The following SLC4A4 variants were observed in gnomAD, a reference collection of about 807,000 sequenced individuals.
The protein encoded by SLC4A4 is electrogenic sodium bicarbonate cotransporter 1.
In SLC4A4, 27 loss-of-function variants were observed where a neutral mutation model predicts 111.5. The ratio of observed to expected loss-of-function variants is 0.24; its 90% CI spans 0.18 to 0.33. SLC4A4 has a LOEUF of 0.33. Among genes scored for constraint, SLC4A4 ranks in the 10% least tolerant of loss-of-function variants. The pLI is 1.00. For missense variants in SLC4A4, 909 were observed against 1,315.5 expected, an observed-to-expected ratio of 0.69 and a Z score of 4.78; for synonymous variants, 443 against 463.4, an observed-to-expected ratio of 0.96 and a Z score of 0.57.
intron 2 of SLC4A4, among the ~76,000 whole-genome samples, chr4:71,162,717 G>A (rs1208233740): frequency 6.6e-6 from 1 of 152,090 alleles, no homozygotes; most frequent in Non-Finnish European, 1.5e-5. Context: ...TTGGGTCTAG[G>A]TGTATTAAAA....
intron 8 of SLC4A4, among the ~76,000 whole-genome samples, chr4:71,446,940 G>T (rs992277524): frequency 3.3e-5 from 5 of 152,184 alleles, no homozygotes; most frequent in Admixed American, 3.3e-4. Context: ...ACCTAAGTGG[G>T]GTTAAGTTTG....
intron 1 of SLC4A4, among the ~76,000 whole-genome samples, chr4:71,228,071 T>G (rs1719166618): frequency 6.6e-6 from 1 of 152,114 alleles, no homozygotes; most frequent in Non-Finnish European, 1.5e-5. Flanking sequence ...TGAGGAGTCA[T>G]GAATGAAGTC....
At chr4:71,494,695 A>T (rs1560559555) in intron 15 of SLC4A4, among the ~76,000 whole-genome samples, 1 of 152,004 alleles carries the variant, frequency 6.6e-6, no homozygotes. Flanking sequence ...TCAAAACCAT[A>T]GAGATGTGAG....
chr4:71,384,074 G>A (rs183430561), intron 6 of SLC4A4, among the ~76,000 whole-genome samples: 1 of 152,294 alleles, frequency 6.6e-6, no homozygotes. Flanking sequence ...TTCAGCTTGG[G>A]CTTTTCAATA....
In SLC4A4 at chr4:71,178,131, C is replaced by T. The variant is rs565513563; in HGVS notation, c.-1-58445C>T. 2.9e-3 allele frequency among the ~76,000 whole-genome samples: 435 copies of T among 151,936 alleles called. 1 individual carries two copies. The highest frequency in any genetic ancestry group is 7.7e-3 in the South Asian group (37 of 4,788). On this transcript the variant is annotated intron_variant, in intron 2 of 26. Transcript: ENST00000649996. ...AAATAAAGATGTTCTTTGAAACCAA[C>T]GAGAAAAAAGACACAACATACCAGA...
chr4:71,319,213 CTTT>C (rs914225398), intron 3 of SLC4A4, among the ~76,000 whole-genome samples: 3 of 151,982 alleles, frequency 2.0e-5, no homozygotes, highest in African/African-American at 7.2e-5. Flanking sequence ...ACCACATATT[CTTT>C]TTATCTGTGA....
chr4:71,565,271 C>G (rs1387378577), intron 24 of SLC4A4, among the ~76,000 whole-genome samples: 2 of 151,860 alleles, frequency 1.3e-5, no homozygotes, highest in African/African-American at 4.8e-5. Flanking sequence ...TTCCCTGCCT[C>G]CAGACACTGT....
At chr4:71,555,021 C>A in intron 20 of SLC4A4, 119 bp from the exon 21 acceptor site, 1 of 762,142 alleles carries the variant, frequency 1.3e-6, no homozygotes, top group Non-Finnish European at 2.4e-6. Flanking sequence ...AGTTAGAGGT[C>A]ACTAAGTTAT....
intron 2 of SLC4A4, among the ~76,000 whole-genome samples, chr4:71,246,812 G>A (rs1039870962): frequency 1.3e-5 from 2 of 152,102 alleles, no homozygotes; most frequent in African/African-American, 4.8e-5. Context: ...GTGGAAAAAT[G>A]GGAAAGGAAG....
At chr4:71,128,720 C>T (rs1024107164) in intron 2 of SLC4A4, among the ~76,000 whole-genome samples, 3 of 152,136 alleles carry the variant, frequency 2.0e-5, no homozygotes, top group East Asian at 1.9e-4. Flanking sequence ...AGCTCCTAGA[C>T]TCAAGCAATT....
intron 3 of SLC4A4, among the ~76,000 whole-genome samples, chr4:71,302,998 G>C (rs1029977711): frequency 6.6e-6 from 1 of 152,110 alleles, no homozygotes; most frequent in African/African-American, 2.4e-5. Flanking sequence ...ACAATATTCT[G>C]TTATAAATGG....
At chr4:71,325,937 C>T (rs1727468111) in intron 3 of SLC4A4, among the ~76,000 whole-genome samples, 1 of 151,616 alleles carries the variant, frequency 6.6e-6, no homozygotes, top group Admixed American at 6.6e-5. Flanking sequence ...AAACTTTATT[C>T]ATTTAGTTAT....
chr4:71,539,516 G>A (rs760782188), intron 18 of SLC4A4, among the ~76,000 whole-genome samples: 3 of 152,052 alleles, frequency 2.0e-5, no homozygotes, highest in Non-Finnish European at 2.9e-5. Flanking sequence ...TCTTCTGCTA[G>A]GTACTCCAGC....
At chr4:71,401,950 T>G (rs1003771012) in intron 7 of SLC4A4, among the ~76,000 whole-genome samples, 1 of 152,206 alleles carries the variant, frequency 6.6e-6, no homozygotes, top group African/African-American at 2.4e-5. Context: ...TCTGTGATAT[T>G]CATTATTTAG....
intron 16 of SLC4A4, among the ~76,000 whole-genome samples, chr4:71,499,527 G>T (rs1024159618): frequency 1.3e-5 from 2 of 152,036 alleles, no homozygotes; most frequent in Non-Finnish European, 2.9e-5. Context: ...CTGTGCAGTG[G>T]ATCTCAAAGA....
intron 3 of SLC4A4, among the ~76,000 whole-genome samples, chr4:71,306,372 AGAGATT>A (rs1162544873): frequency 2.6e-5 from 4 of 152,086 alleles, no homozygotes; most frequent in Non-Finnish European, 4.4e-5. Flanking sequence ...CATGAGGTCA[AGAGATT>A]GAGACCATCC....
Position 71,247,549 on chromosome 4 carries a change from G to A in SLC4A4, c.74-7671G>A, listed in dbSNP as rs1187017373. ...GTGGTTGGAATGAGAGTGTGAACGT[G>A]TGCATTTATGTGTCTCTCTAAGCTG... On this transcript the variant is annotated intron_variant, in intron 2 of 25. Coordinates refer to ENST00000264485, the MANE Select transcript of SLC4A4 (RefSeq NM_001098484.3). Among the ~76,000 whole-genome samples, 3 of 152,038 alleles carry A rather than the reference G, an allele frequency of 2.0e-5. No homozygotes were observed. In the East Asian group the frequency reaches 5.8e-4, roughly 29 times the overall value.
chr4:71,300,189 C>A, intron 3 of SLC4A4: 1 of 165,464 alleles, frequency 6.0e-6, no homozygotes. Context: ...GAAGGGAAGC[C>A]TGGGAGGGGG....
chr4:71,119,895 T>C (rs1268160073), intron 2 of SLC4A4, among the ~76,000 whole-genome samples: 1 of 152,260 alleles, frequency 6.6e-6, no homozygotes, highest in Non-Finnish European at 1.5e-5. Flanking sequence ...TTCAGTCATG[T>C]CTAATCTGCT....
Sources: allele counts gnomAD v4.1 joint callset (sites outside exome capture counted in the v4.1 genomes callset), GRCh38; gene constraint gnomAD v4.1.1; transcripts MANE v1.5; gene names NCBI Gene and HGNC (gene_info 2026-07-23, HGNC 2026-07-21).